The following TYR variants were observed in gnomAD, a reference collection of about 807,000 sequenced individuals.
The protein encoded by TYR is tyrosinase.
In TYR, 58 loss-of-function variants were observed where a neutral mutation model predicts 51.5. The ratio of observed to expected loss-of-function variants is 1.13; its 90% confidence interval spans 0.91 to 1.40. The LOEUF (loss-of-function observed/expected upper bound fraction) is 1.40, where lower values mean the gene tolerates loss of function less well. Among genes scored for constraint, TYR ranks in the 40% most tolerant of loss-of-function variants. The pLI is 0.00. For synonymous variants in TYR, 263 were observed against 235.2 expected (o/e 1.12, Z -1.08); for missense variants, 732 against 647.4 (o/e 1.13, Z -1.42).
intron 2 of TYR, among the ~76,000 whole-genome samples, chr11:89,201,576 G>T (rs1943599420): frequency 6.6e-6 from 1 of 152,202 alleles, no homozygotes; most frequent in Non-Finnish European, 1.5e-5. Flanking sequence ...CATTTTTACT[G>T]CAAGTCTGTG....
chr11:89,191,356 C>T lies in TYR; in HGVS notation c.974C>T (p.Thr325Ile), dbSNP rs754073273. ...GATGTAGAATTTTGCCTGAGTTTGACCCAATATGAATCTGGTTCCATGGAT... is the reference window on the plus strand; with the variant it reads ...GATGTAGAATTTTGCCTGAGTTTGATCCAATATGAATCTGGTTCCATGGAT... ...SADVEFCLSL[T>I]QYESGSMDKA... The change falls in exon 2 of 5, where the codon ACC becomes ATC. Residue 325 changes from threonine to isoleucine, a missense_variant. By Grantham distance (89) the Thr-to-Ile change is moderately conservative. Transcript: ENST00000263321. 3.7e-6 allele frequency: 6 copies of T among 1,613,730 alleles called. No homozygotes were observed. The South Asian group carries it at 6.6e-5, about 18-fold the overall frequency.
rs1298217725 is a variant in TYR, at chr11:89,194,293, A to G, written c.1036+2875A>G. 2.0e-5 allele frequency among the ~76,000 whole-genome samples: 3 copies of G among 152,072 alleles called. No homozygotes were observed. The East Asian group carries it at 5.8e-4, about 29-fold the overall frequency. ...TGAGTGTATCTAATATTTCTTCATG[A>G]CTAGATCCAGGTAATGCACTATTAG... is the stretch of plus-strand genomic sequence containing the variant. On this transcript the variant is annotated intron_variant, in intron 2 of 4. Coordinates refer to ENST00000263321, the MANE Select transcript of TYR (RefSeq NM_000372.5).
intron 2 of TYR, among the ~76,000 whole-genome samples, chr11:89,199,337 G>A (rs1943567215): frequency 6.6e-6 from 1 of 152,064 alleles, no homozygotes; most frequent in Admixed American, 6.6e-5. Context: ...TAGTTGTACT[G>A]GCATATGCAA....
Position 89,178,750 on chromosome 11 carries a change from C to T in TYR, c.797C>T (p.Ala266Val). The part of the protein sequence containing the change: ...HPTNPNLLSP[A>V]SFFSSWQIVC... ...ACAAATCCTAACTTACTCAGCCCAG[C>T]ATCATTCTTCTCCTCTTGGCAGGTA... The change falls in exon 1 of 5, where the codon GCA becomes GTA. Residue 266 changes from alanine to valine, a missense_variant. By Grantham distance (64) the Ala-to-Val change is moderately conservative. Coordinates refer to ENST00000263321, the MANE Select transcript of TYR (RefSeq NM_000372.5). 2 of 1,614,118 alleles carry T rather than the reference C, an allele frequency of 1.2e-6. No homozygotes were observed. Among genetic ancestry groups the T allele is most frequent in the East Asian group, 2.2e-5 (1 of 44,862 alleles).
rs1176150416 is a variant in TYR, at chr11:89,178,648, CT to C, written c.696del (p.Ile233PhefsTer86). 6.2e-7 allele frequency: 1 copy of C among 1,613,004 alleles called. No individual in the cohort carries two copies. Among genetic ancestry groups the C allele is most frequent in the African/African-American group, 1.3e-5 (1 of 74,878 alleles). On this transcript the variant is annotated frameshift_variant, in exon 1 of 5. Transcript: ENST00000263321. LOFTEE classifies it high-confidence loss of function. ...IQKLTGDENFTIPYWDWRDAE... is the reference protein window; with the variant it reads ...IQKLTGDENFXIPYWDWRDAE... The stretch of plus-strand genomic sequence containing the variant: ...AAGCTGACAGGAGATGAAAACTTCA[CT>C]ATTCCATATTGGGACTGGCGGGATG...
chr11:89,211,306 G>C (rs1046374999), intron 2 of TYR, among the ~76,000 whole-genome samples: 1 of 151,730 alleles, frequency 6.6e-6, no homozygotes, highest in African/African-American at 2.4e-5. Context: ...AAAAAAGCAG[G>C]GGTTGCAATC....
rs1944899764 is a variant in TYR at position 89,295,623 on chromosome 11, CTGT to C, written c.*259_*261del. 8.5e-6 allele frequency: 4 copies of C among 469,626 alleles called. No homozygotes were observed. The highest frequency in any genetic ancestry group is 3.9e-5 in the African/African-American group (2 of 50,998). 29.1% of individuals were successfully genotyped at this position (469,626 alleles called of 1,614,324 possible). On this transcript the variant is annotated 3_prime_UTR_variant, in exon 5 of 5. Coordinates refer to ENST00000263321, the MANE Select transcript of TYR (RefSeq NM_000372.5). ...AAGGATGCTATTTGGTAATGAGGAA[CTGT>C]TATTTGTATGTGAATTAAAGTGCTC...
intron 3 of TYR, among the ~76,000 whole-genome samples, chr11:89,272,085 A>C (rs1847134): frequency 0.26 from 39,616 of 151,752 alleles, 5,428 homozygotes; most frequent in Non-Finnish European, 0.31. Flanking sequence ...ACACTCTATG[A>C]ATGTTGATAT....
At chr11:89,269,119 A>T (rs556081177) in intron 3 of TYR, among the ~76,000 whole-genome samples, 19 of 152,084 alleles carry the variant, frequency 1.2e-4, no homozygotes, top group Admixed American at 2.6e-4. Context: ...ACATGTCATG[A>T]TTCTTAACAT....
At chr11:89,287,573 G>A (rs757997796) in intron 4 of TYR, among the ~76,000 whole-genome samples, 1 of 151,850 alleles carries the variant, frequency 6.6e-6, no homozygotes, top group Non-Finnish European at 1.5e-5. Context: ...ATAGAGATAT[G>A]CCTAACTCCA....
intron 3 of TYR, among the ~76,000 whole-genome samples, chr11:89,249,339 G>A (rs574117290): frequency 1.3e-5 from 2 of 151,950 alleles, no homozygotes; most frequent in East Asian, 3.9e-4. Flanking sequence ...AGAAAAGGAA[G>A]CAGTCTGGCA....
rs114718195 is a variant in TYR, at chr11:89,202,732, C to T, written c.1036+11314C>T. ...TGATCAGGCATACAGGGCAGCTCTG[C>T]TCTATAGCTGGTTACTATATTCACA... On this transcript the variant is annotated intron_variant, in intron 2 of 4. Transcript: ENST00000263321. Among the ~76,000 whole-genome samples the T allele has an allele frequency of 6.4e-3, 978 of 151,952 alleles. 7 individuals carry two copies. The highest frequency in any genetic ancestry group is 0.022 in the African/African-American group (925 of 41,440).
intron 3 of TYR, among the ~76,000 whole-genome samples, chr11:89,269,257 C>G (rs12280928): frequency 0.019 from 2,901 of 151,946 alleles, 100 homozygotes; most frequent in African/African-American, 0.066. Context: ...TACTGAAAGC[C>G]AAGTTAATAG....
rs576754757 is a variant in TYR at position 89,266,236 on chromosome 11, ATTAT to A, written c.1185-18534_1185-18531del. ...TGATATTAGTGTTATTCTTGCATAA[ATTAT>A]TTGTGTATTGGTGTTCTGTATATTT... On this transcript the variant is annotated intron_variant, in intron 3 of 4. Coordinates refer to ENST00000263321, the MANE Select transcript of TYR (RefSeq NM_000372.5). 1.1e-4 allele frequency among the ~76,000 whole-genome samples: 17 copies of A among 152,076 alleles called. 1 individual carries two copies. The South Asian group carries it at 3.3e-3, about 30-fold the overall frequency.
At chr11:89,206,767 A>G (rs1565397491) in intron 2 of TYR, among the ~76,000 whole-genome samples, 1 of 152,162 alleles carries the variant, frequency 6.6e-6, no homozygotes, top group African/African-American at 2.4e-5. Context: ...AAAAGATTGG[A>G]ATTATACAGA....
At chr11:89,236,488 CA>C (rs1429005892) in intron 3 of TYR, among the ~76,000 whole-genome samples, 2 of 152,078 alleles carry the variant, frequency 1.3e-5, no homozygotes, top group Non-Finnish European at 2.9e-5. Context: ...TAAAATAACT[CA>C]AAAATATTAA....
At chr11:89,249,064 AGTTCTCTTT>A (rs899453049) in intron 3 of TYR, among the ~76,000 whole-genome samples, 2 of 152,140 alleles carry the variant, frequency 1.3e-5, no homozygotes, top group Non-Finnish European at 2.9e-5. Flanking sequence ...AATGAACTAA[AGTTCTCTTT>A]GAACATCTTT....
chr11:89,258,530 T>G (rs1042633639), intron 3 of TYR, among the ~76,000 whole-genome samples: 4 of 151,982 alleles, frequency 2.6e-5, no homozygotes, highest in African/African-American at 9.7e-5. Flanking sequence ...GGTGTTAGAT[T>G]GGAAAAAATG....
At position 89,178,779 on chromosome 11, in the gene TYR, T is replaced by G. The variant is rs577370259; in HGVS notation, c.819+7T>G. On this transcript the variant is annotated splice_region_variant and intron_variant, in intron 1 of 4. Coordinates refer to ENST00000263321, the MANE Select transcript of TYR (RefSeq NM_000372.5). ...ATTCTTCTCCTCTTGGCAGGTAAGA[T>G]ATGCTAGATATACGATGTCAGAGTA... 6.2e-7 allele frequency: 1 copy of G among 1,613,710 alleles called. No homozygotes were observed. The highest frequency in any genetic ancestry group is 8.5e-7 in the Non-Finnish European group (1 of 1,179,886).
Sources: gnomAD v4.1 joint callset for allele counts (sites outside exome capture counted in the v4.1 genomes callset) on GRCh38, gnomAD v4.1.1 for gene constraint, MANE v1.5 for transcripts, NCBI Gene and HGNC (gene_info 2026-07-23, HGNC 2026-07-21) for gene names.